MAGI2: variants seen among roughly 807,000 people sequenced by gnomAD.
MAGI2 encodes the protein membrane associated guanylate kinase, WW and PDZ domain containing 2.
In MAGI2, 35 loss-of-function variants were observed where a neutral mutation model predicts 133.3. The observed-to-expected ratio is 0.26, with a 90% confidence interval of 0.20 to 0.35. The LOEUF (loss-of-function observed/expected upper bound fraction) is 0.35. Among genes scored for constraint, MAGI2 ranks in the 10% least tolerant of loss-of-function variants. The pLI is 1.00. For synonymous variants in MAGI2, 729 were observed against 710.6 expected, an observed-to-expected ratio of 1.03 and a Z score of -0.41; for missense variants, 1,636 against 1,863.4, an observed-to-expected ratio of 0.88 and a Z score of 2.25.
chr7:78,125,118 C>T (rs538433073), intron 20 of MAGI2, among the ~76,000 whole-genome samples: 4 of 152,256 alleles, frequency 2.6e-5, no homozygotes, highest in African/African-American at 7.2e-5. Flanking sequence ...CCCGCCTCAG[C>T]CTCCCAAAGT....
intron 1 of MAGI2, among the ~76,000 whole-genome samples, chr7:79,057,489 A>G (rs907934216): frequency 6.6e-5 from 10 of 152,238 alleles, no homozygotes; most frequent in Non-Finnish European, 1.0e-4. Flanking sequence ...TCTAATATGT[A>G]AGCTTATAAT....
intron 20 of MAGI2, among the ~76,000 whole-genome samples, chr7:78,110,177 A>C (rs1354859828): frequency 6.6e-6 from 1 of 152,182 alleles, no homozygotes; most frequent in Non-Finnish European, 1.5e-5. Flanking sequence ...AATATTCATT[A>C]ATTTGTCTTT....
intron 20 of MAGI2, among the ~76,000 whole-genome samples, chr7:78,117,440 T>C (rs1172679428): frequency 2.0e-5 from 3 of 152,074 alleles, no homozygotes; most frequent in African/African-American, 7.2e-5. Context: ...CAGATGGTAT[T>C]GTCTATGGAT....
intron 2 of MAGI2, among the ~76,000 whole-genome samples, chr7:78,759,233 A>G (rs552590604): frequency 3.3e-5 from 5 of 152,290 alleles, no homozygotes; most frequent in African/African-American, 1.2e-4. Flanking sequence ...AAAAACTATA[A>G]TTATTTTAAT....
At chr7:78,607,367 T>C (rs903161875) in intron 3 of MAGI2, among the ~76,000 whole-genome samples, 4 of 151,276 alleles carry the variant, frequency 2.6e-5, no homozygotes, top group Non-Finnish European at 4.4e-5. Context: ...TCAGTGGCTA[T>C]GGTCTAGTGG....
chr7:78,888,297 C>G (rs1159177056), intron 2 of MAGI2, among the ~76,000 whole-genome samples: 2 of 152,348 alleles, frequency 1.3e-5, no homozygotes, highest in East Asian at 1.9e-4. Flanking sequence ...GACTCCACCT[C>G]TGGGGGCAGG....
chr7:78,080,499 AG>A (rs1815836417), intron 20 of MAGI2, among the ~76,000 whole-genome samples: 2 of 152,248 alleles, frequency 1.3e-5, no homozygotes, highest in Non-Finnish European at 2.9e-5. Context: ...TCTAAGCCAG[AG>A]GCAGAAATGG....
intron 1 of MAGI2, among the ~76,000 whole-genome samples, chr7:79,311,003 GTTTTA>G (rs1176345745): frequency 2.0e-5 from 3 of 151,596 alleles, no homozygotes; most frequent in Admixed American, 1.3e-4. Context: ...AGTTGTCCTA[GTTTTA>G]TTTATCTCTT....
At chr7:78,933,929 G>C (rs546808134) in intron 2 of MAGI2, among the ~76,000 whole-genome samples, 1 of 152,020 alleles carries the variant, frequency 6.6e-6, no homozygotes, top group African/African-American at 2.4e-5. Context: ...ACTGCTTCTG[G>C]TGTTTCTTCA....
chr7:79,213,290 G>C (rs1829668040), intron 1 of MAGI2, among the ~76,000 whole-genome samples: 1 of 149,848 alleles, frequency 6.7e-6, no homozygotes, highest in South Asian at 2.1e-4. Context: ...ATATATGTGG[G>C]TGTACGTGTG....
At chr7:78,116,919 T>G (rs540995707) in intron 20 of MAGI2, among the ~76,000 whole-genome samples, 1 of 151,584 alleles carries the variant, frequency 6.6e-6, no homozygotes, top group South Asian at 2.1e-4. Context: ...ATAAAAAGTT[T>G]GAAAACTAAG....
chr7:78,132,531 A>G (rs764715879), intron 18 of MAGI2, among the ~76,000 whole-genome samples: 9 of 152,132 alleles, frequency 5.9e-5, no homozygotes, highest in Non-Finnish European at 1.3e-4. Flanking sequence ...CACCCCATAT[A>G]TTGGCCGCAT....
At chr7:78,315,617 G>C (rs1391768714) in intron 9 of MAGI2, among the ~76,000 whole-genome samples, 1 of 152,108 alleles carries the variant, frequency 6.6e-6, no homozygotes. Flanking sequence ...TCATTTTAAA[G>C]AGTATTATCA....
At chr7:78,922,655 C>G (rs1330073896) in intron 2 of MAGI2, among the ~76,000 whole-genome samples, 2 of 152,082 alleles carry the variant, frequency 1.3e-5, no homozygotes, top group African/African-American at 4.8e-5. Flanking sequence ...ATAAACATAA[C>G]TGTGTATGTG....
intron 3 of MAGI2, among the ~76,000 whole-genome samples, chr7:78,609,419 C>G (rs1806193295): frequency 6.6e-6 from 1 of 152,158 alleles, no homozygotes; most frequent in South Asian, 2.1e-4. Flanking sequence ...CTATTACATA[C>G]AGTTAACAAA....
chr7:78,562,201 GA>G (rs1436265871), intron 3 of MAGI2, among the ~76,000 whole-genome samples: 1 of 152,150 alleles, frequency 6.6e-6, no homozygotes, highest in East Asian at 1.9e-4. Context: ...ATCACTATGA[GA>G]GCATTAAAAG....
intron 21 of MAGI2, among the ~76,000 whole-genome samples, chr7:78,027,449 A>G (rs1414846941): frequency 1.3e-5 from 2 of 151,968 alleles, no homozygotes; most frequent in Non-Finnish European, 2.9e-5. Flanking sequence ...CTAACATGGT[A>G]AAACCCCGTC....
chr7:79,319,314 T>A (rs17152257), intron 1 of MAGI2, among the ~76,000 whole-genome samples: 24,587 of 152,070 alleles, frequency 0.16, 2,259 homozygotes, highest in East Asian at 0.35. Flanking sequence ...ACCCTGTAAT[T>A]TCTATGGCAT....
intron 2 of MAGI2, among the ~76,000 whole-genome samples, chr7:78,649,173 A>T (rs1458236506): frequency 7.5e-6 from 1 of 132,934 alleles, no homozygotes; most frequent in Non-Finnish European, 1.5e-5. Flanking sequence ...TGAAAGAAAC[A>T]GTAATCTTCA....
Sources: gnomAD v4.1 joint callset for allele counts (sites outside exome capture counted in the v4.1 genomes callset) on GRCh38, gnomAD v4.1.1 for gene constraint, MANE v1.5 for transcripts, NCBI Gene and HGNC (gene_info 2026-07-23, HGNC 2026-07-21) for gene names.